ATE1: variants seen among roughly 807,000 people sequenced by gnomAD.
ATE1 encodes arginyl-tRNA--protein transferase 1.
A neutral mutation model predicts 70.5 loss-of-function variants in ATE1; 36 were observed. That is an observed-to-expected ratio of 0.51 (90% CI 0.39 to 0.67). The LOEUF (loss-of-function observed/expected upper bound fraction) is 0.67, where lower values mean the gene tolerates loss of function less well. Ranked by LOEUF, ATE1 falls within the 30% of genes least tolerant of loss-of-function variation. The pLI, the probability that ATE1 is intolerant of heterozygous loss-of-function variation, is 0.00. For missense variants in ATE1, 593 were observed against 629.5 expected (o/e 0.94, Z 0.62); for synonymous variants, 232 against 219.3 (o/e 1.06, Z -0.51).
intron 6 of ATE1, among the ~76,000 whole-genome samples, chr10:121,900,575 G>C (rs1389956414): frequency 1.3e-5 from 2 of 152,214 alleles, no homozygotes; most frequent in Non-Finnish European, 1.5e-5. Flanking sequence ...GTTTAAAACA[G>C]TAATTGCACG....
At chr10:121,867,293 G>A (rs888675231) in intron 8 of ATE1, among the ~76,000 whole-genome samples, 5 of 152,138 alleles carry the variant, frequency 3.3e-5, no homozygotes, top group East Asian at 1.9e-4. Flanking sequence ...CTTTGCCATC[G>A]GTGAGTAGTA....
chr10:121,748,407 G>A (rs960568110), intron 11 of ATE1, among the ~76,000 whole-genome samples: 5 of 152,000 alleles, frequency 3.3e-5, no homozygotes, highest in Admixed American at 2.0e-4. Flanking sequence ...TGTTTCATTT[G>A]TCAAAATATA....
intron 11 of ATE1, among the ~76,000 whole-genome samples, chr10:121,757,761 A>G (rs949620642): frequency 5.3e-5 from 8 of 152,336 alleles, no homozygotes; most frequent in African/African-American, 1.9e-4. Flanking sequence ...CTCCCACAAC[A>G]TGTGAGAATT....
chr10:121,894,202 G>T (rs146741991), intron 7 of ATE1, among the ~76,000 whole-genome samples: 164 of 150,578 alleles, frequency 1.1e-3, no homozygotes, highest in African/African-American at 3.8e-3. Flanking sequence ...AATGGAAATG[G>T]AAGTAAAATG....
chr10:121,846,853 A>T (rs1015016602), intron 8 of ATE1, among the ~76,000 whole-genome samples: 8 of 152,222 alleles, frequency 5.3e-5, no homozygotes, highest in African/African-American at 1.9e-4. Flanking sequence ...TCTTTAAAAA[A>T]AGTCTTTATT....
chr10:121,921,069 A>T (rs1220444755), intron 3 of ATE1, among the ~76,000 whole-genome samples: 2 of 150,708 alleles, frequency 1.3e-5, no homozygotes, highest in Admixed American at 6.6e-5. Flanking sequence ...CTTCCAATTA[A>T]TTTTTTTTTC....
chr10:121,847,311 G>C (rs1161621410), intron 8 of ATE1, among the ~76,000 whole-genome samples: 1 of 152,086 alleles, frequency 6.6e-6, no homozygotes, highest in Admixed American at 6.5e-5. Flanking sequence ...AGCTGGGCAT[G>C]GTGGTGGGTA....
At chr10:121,790,833 G>A (rs370911585) in intron 10 of ATE1, among the ~76,000 whole-genome samples, 2 of 151,848 alleles carry the variant, frequency 1.3e-5, no homozygotes, top group Non-Finnish European at 2.9e-5. Context: ...ACTGATAAAC[G>A]TATAATAAAG....
chr10:121,804,773 T>C (rs558449881), intron 10 of ATE1, among the ~76,000 whole-genome samples: 115 of 151,896 alleles, frequency 7.6e-4, no homozygotes, highest in African/African-American at 2.7e-3. Flanking sequence ...AGATATATAA[T>C]GTGTTTGAAT....
intron 8 of ATE1, among the ~76,000 whole-genome samples, chr10:121,853,662 T>A (rs1050157419): frequency 1.3e-5 from 2 of 152,096 alleles, no homozygotes; most frequent in Non-Finnish European, 2.9e-5. Flanking sequence ...TCAACTTAAA[T>A]CATTGTTAAA....
chr10:121,804,561 G>A (rs1279198698), intron 10 of ATE1, among the ~76,000 whole-genome samples: 1 of 152,132 alleles, frequency 6.6e-6, no homozygotes, highest in Non-Finnish European at 1.5e-5. Context: ...TATGGTATTA[G>A]TCATAGAGAT....
At chr10:121,817,103 A>C (rs537933516) in intron 10 of ATE1, among the ~76,000 whole-genome samples, 55 of 152,372 alleles carry the variant, frequency 3.6e-4, no homozygotes, top group Non-Finnish European at 6.8e-4. Context: ...TATCCTGTAG[A>C]AGTGTCAAAC....
At chr10:121,904,640 CAAAAAAAAAAAA>C (rs778557337) in intron 5 of ATE1, among the ~76,000 whole-genome samples, 6 of 46,506 alleles carry the variant, frequency 1.3e-4, no homozygotes, top group Non-Finnish European at 2.2e-4. Context: ...GACTCCGTCT[CAAAAAAAAAAAA>C]AAAAAAAAAA....
intron 11 of ATE1, among the ~76,000 whole-genome samples, chr10:121,776,845 T>A (rs1258030119): frequency 6.6e-6 from 1 of 152,228 alleles, no homozygotes; most frequent in African/African-American, 2.4e-5. Flanking sequence ...ATTCTACGCA[T>A]GACCTCACCT....
In ATE1 at chr10:121,869,933, A is replaced by T. The variant is rs1949792566; in HGVS notation, c.975+73T>A. On this transcript the variant is annotated intron_variant, in intron 8 of 11. Transcript: ENST00000224652. Reference sequence around the variant, plus strand: ...TGAGCACTCCTAAATTATCAAATAAATGCCTAATGAAAGATATCAACAATG... The same window carrying T: ...TGAGCACTCCTAAATTATCAAATAATTGCCTAATGAAAGATATCAACAATG... 17 of 1,383,762 alleles carry T rather than the reference A, an allele frequency of 1.2e-5. No individual in the cohort carries two copies. The East Asian group carries it at 3.9e-4, about 32-fold the overall frequency. The allele number at this position is 1,383,762 out of a possible 1,614,324, so 85.7% of individuals were successfully genotyped here.
At position 121,816,471 on chromosome 10, in the gene ATE1, C is replaced by A. The variant is rs183428813; in HGVS notation, c.1257+20247G>T. Among the ~76,000 whole-genome samples the A allele has an allele frequency of 1.1e-3, 160 of 152,278 alleles. 1 individual carries two copies. Among genetic ancestry groups the A allele is most frequent in the African/African-American group, 3.6e-3 (148 of 41,542 alleles). On this transcript the variant is annotated intron_variant, in intron 10 of 11. Coordinates refer to ENST00000224652, the MANE Select transcript of ATE1 (RefSeq NM_001001976.3). ...TTAGGAAAGGGCTGGAGTGAACTAGCTTAGGCCCCTTTCACTCTTCCACCA... is the reference window on the plus strand; with the variant it reads ...TTAGGAAAGGGCTGGAGTGAACTAGATTAGGCCCCTTTCACTCTTCCACCA...
chr10:121,874,879 G>A (rs1028552858), intron 7 of ATE1, among the ~76,000 whole-genome samples: 7 of 147,786 alleles, frequency 4.7e-5, no homozygotes, highest in East Asian at 4.0e-4. Flanking sequence ...GGTGGCTCAC[G>A]CCTGTAATCC....
At chr10:121,755,427 G>A (rs1429984108) in intron 11 of ATE1, among the ~76,000 whole-genome samples, 2 of 152,202 alleles carry the variant, frequency 1.3e-5, no homozygotes, top group East Asian at 3.8e-4. Context: ...GTGGTAACAC[G>A]TTAATAACTG....
chr10:121,806,267 C>T (rs1358425276), intron 10 of ATE1, among the ~76,000 whole-genome samples: 1 of 152,158 alleles, frequency 6.6e-6, no homozygotes, highest in African/African-American at 2.4e-5. Context: ...ATCTGGCCAA[C>T]ATGGTGAAAC....
Sources: allele counts gnomAD v4.1 joint callset (sites outside exome capture counted in the v4.1 genomes callset), GRCh38; gene constraint gnomAD v4.1.1; transcripts MANE v1.5; gene names NCBI Gene and HGNC (gene_info 2026-07-23, HGNC 2026-07-21).